Variants in AK7 observed in about 807,000 individuals in gnomAD.
AK7 encodes adenylate kinase 7.
A neutral mutation model predicts 96.6 loss-of-function variants in AK7; 78 were observed. That is an observed-to-expected ratio of 0.81 (90% CI 0.67 to 0.97). AK7 has a LOEUF of 0.97. Among genes scored for constraint, AK7 ranks in the 50% least tolerant of loss-of-function variants. The probability of loss-of-function intolerance (pLI) is 0.00; values close to 1 mark genes in which losing one functional copy is unlikely to be tolerated. For synonymous variants in AK7, 302 were observed against 317.2 expected, an observed-to-expected ratio of 0.95 and a Z score of 0.51; for missense variants, 855 against 887.9, an observed-to-expected ratio of 0.96 and a Z score of 0.47.
intron 5 of AK7, among the ~76,000 whole-genome samples, chr14:96,430,221 T>C (rs1403980928): frequency 6.7e-6 from 1 of 149,978 alleles, no homozygotes; most frequent in African/African-American, 2.5e-5. Context: ...AGTCTCACTC[T>C]GTCACCCAGG....
intron 13 of AK7, 89 bp downstream of exon 13, chr14:96,471,695 C>A (rs762598473): frequency 5.9e-5 from 66 of 1,111,156 alleles, no homozygotes; most frequent in Non-Finnish European, 7.2e-5. Flanking sequence ...TTAAAGTAAA[C>A]AGAAAACTAG....
intron 6 of AK7, among the ~76,000 whole-genome samples, chr14:96,438,728 A>T (rs1407218825): frequency 6.6e-6 from 1 of 152,150 alleles, no homozygotes; most frequent in Non-Finnish European, 1.5e-5. Context: ...AATCCATATG[A>T]TATAAAAGGA....
chr14:96,395,882 G>A (rs1368903489), intron 1 of AK7, among the ~76,000 whole-genome samples: 1 of 128,092 alleles, frequency 7.8e-6, no homozygotes, highest in Non-Finnish European at 1.6e-5. Context: ...CATGATCTTG[G>A]CTCACTGCAA....
chr14:96,392,199 C>T lies in AK7; in HGVS notation c.45C>T (p.Ile15=). 1.9e-6 allele frequency: 3 copies of T among 1,613,806 alleles called. No individual in the cohort carries two copies. Among genetic ancestry groups the T allele is most frequent in the Non-Finnish European group, 2.5e-6 (3 of 1,179,720 alleles). The change falls in exon 1 of 18, where the codon ATC becomes ATT. Residue 15 remains isoleucine, a synonymous_variant. Coordinates refer to ENST00000267584, the MANE Select transcript of AK7 (RefSeq NM_152327.5). ...CTGCTGCTCTCACGGAGAAGGTTAT[C>T]CGGACCCAGAGGGTGTTTATAAACC... ...EETAALTEKV[I]RTQRVFINLL...
At chr14:96,424,270 G>C (rs978088018) in intron 5 of AK7, 9 of 419,082 alleles carry the variant, frequency 2.1e-5, no homozygotes, top group African/African-American at 1.5e-4. Flanking sequence ...CCAGGCGCCG[G>C]CGGCAGCGGC....
At chr14:96,457,477 TA>T (rs531273545) in intron 11 of AK7, among the ~76,000 whole-genome samples, 105 of 152,328 alleles carry the variant, frequency 6.9e-4, no homozygotes, top group Non-Finnish European at 1.4e-3. Context: ...TTTGTTATTT[TA>T]ATTGGATGTT....
intron 14 of AK7, among the ~76,000 whole-genome samples, chr14:96,474,206 G>A (rs1566809294): frequency 6.6e-6 from 1 of 152,174 alleles, no homozygotes; most frequent in Non-Finnish European, 1.5e-5. Flanking sequence ...GAGGAAGGCA[G>A]CTTGTGGCTG....
At chr14:96,428,845 T>C (rs1892181947) in intron 5 of AK7, among the ~76,000 whole-genome samples, 1 of 152,218 alleles carries the variant, frequency 6.6e-6, no homozygotes, top group Admixed American at 6.5e-5. Context: ...TTGAGTTCTT[T>C]GTAGATTCTG....
At chr14:96,405,656 G>T (rs868271112) in intron 3 of AK7, among the ~76,000 whole-genome samples, 1 of 152,172 alleles carries the variant, frequency 6.6e-6, no homozygotes, top group Non-Finnish European at 1.5e-5. Context: ...ACAAAGGGGG[G>T]TGCGCTCACA....
At chr14:96,476,207 T>G (rs549586543) in intron 14 of AK7, among the ~76,000 whole-genome samples, 12 of 152,146 alleles carry the variant, frequency 7.9e-5, no homozygotes, top group African/African-American at 2.6e-4. Context: ...GGAAATTTGT[T>G]AAAACATAGC....
intron 5 of AK7, chr14:96,423,800 G>A: frequency 1.3e-6 from 1 of 752,660 alleles, no homozygotes; most frequent in Non-Finnish European, 2.5e-6. Context: ...TTTACGGGGG[G>A]ACGCCACCTT....
At chr14:96,443,201 A>G (rs1893051635) in intron 7 of AK7, among the ~76,000 whole-genome samples, 1 of 152,240 alleles carries the variant, frequency 6.6e-6, no homozygotes, top group Admixed American at 6.5e-5. Flanking sequence ...TCAAATGGAA[A>G]ACTGTAAACC....
At chr14:96,469,586 T>C (rs1894771880) in intron 12 of AK7, among the ~76,000 whole-genome samples, 1 of 152,172 alleles carries the variant, frequency 6.6e-6, no homozygotes, top group African/African-American at 2.4e-5. Context: ...AGTGAATCCC[T>C]TGACACGTTT....
chr14:96,481,348 T>A (rs940347281), intron 15 of AK7, among the ~76,000 whole-genome samples: 37 of 152,120 alleles, frequency 2.4e-4, no homozygotes, highest in African/African-American at 8.9e-4. Flanking sequence ...TATTTATTTA[T>A]TTTATTTATT....
At position 96,392,254 on chromosome 14, in the gene AK7, G is replaced by T. The variant is rs761681729; in HGVS notation, c.100G>T (p.Gly34Trp). ...LLDSYSSGNI[G>W]KFLSNCVVGA... Reference sequence around the variant, plus strand: ...GGATTCCTACAGCAGCGGAAACATCGGGAAGGTGAGCGGCGGCGGCGGCCC... The same window carrying T: ...GGATTCCTACAGCAGCGGAAACATCTGGAAGGTGAGCGGCGGCGGCGGCCC... The change falls in exon 1 of 18, where the codon GGG (glycine) becomes TGG (tryptophan). Residue 34 changes from glycine to tryptophan, a missense_variant. Coordinates refer to ENST00000267584, the MANE Select transcript of AK7 (RefSeq NM_152327.5). 2 of 1,611,762 alleles carry T rather than the reference G, an allele frequency of 1.2e-6. No homozygotes were observed. Among genetic ancestry groups the T allele is most frequent in the African/African-American group, 2.7e-5 (2 of 74,862 alleles).
At chr14:96,422,505 G>A (rs894542747) in intron 5 of AK7, among the ~76,000 whole-genome samples, 4 of 152,110 alleles carry the variant, frequency 2.6e-5, no homozygotes, top group African/African-American at 7.2e-5. Flanking sequence ...ATGGACAGGC[G>A]CCCCTCATGT....
intron 4 of AK7, among the ~76,000 whole-genome samples, chr14:96,413,292 A>G (rs1227696505): frequency 3.9e-5 from 6 of 152,218 alleles, no homozygotes. Context: ...CTGCCCCTCC[A>G]GAGCCACTCT....
chr14:96,429,217 G>GT (rs1214794282), intron 5 of AK7, among the ~76,000 whole-genome samples: 1 of 152,150 alleles, frequency 6.6e-6, no homozygotes, highest in Non-Finnish European at 1.5e-5. Flanking sequence ...ATTAAATAGG[G>GT]AATCCTTTCC....
rs1890296330 is a variant in AK7 at position 96,399,752 on chromosome 14, G to A, written c.294+1489G>A. On this transcript the variant is annotated intron_variant, in intron 2 of 17. Transcript: ENST00000267584. The surrounding 1 kb of genome is among the most constrained non-coding windows in gnomAD (Gnocchi z 4.1). ...TGCCTCGGCTCTGCACTGACTAAGC[G>A]CCCAAGTCCTCCTTCCCAGCTTCTT... 6.6e-6 allele frequency among the ~76,000 whole-genome samples: 1 copy of A among 152,028 alleles called. No individual in the cohort carries two copies. The highest frequency in any genetic ancestry group is 1.5e-5 in the Non-Finnish European group (1 of 67,992).
Sources: allele counts gnomAD v4.1 joint callset (sites outside exome capture counted in the v4.1 genomes callset), GRCh38; gene constraint gnomAD v4.1.1; non-coding constraint Gnocchi (gnomAD v3.1); transcripts MANE v1.5; gene names NCBI Gene and HGNC (gene_info 2026-07-23, HGNC 2026-07-21).